RPH3A: variants seen among roughly 807,000 people sequenced by gnomAD.
The protein encoded by RPH3A is rabphilin 3A, also known as rabphilin-3A.
Under a neutral mutation model 102.2 loss-of-function variants are expected in RPH3A, and 48 were observed. That is an observed-to-expected ratio of 0.47 (90% confidence interval 0.37 to 0.60). The LOEUF (loss-of-function observed/expected upper bound fraction) is 0.60. Among genes scored for constraint, RPH3A ranks in the 20% least tolerant of loss-of-function variants. The pLI, the probability that RPH3A is intolerant of heterozygous loss-of-function variation, is 0.00. For synonymous variants in RPH3A, 310 were observed against 324.3 expected, an observed-to-expected ratio of 0.96 and a Z score of 0.47; for missense variants, 781 against 910.1, an observed-to-expected ratio of 0.86 and a Z score of 1.83.
chr12:112,585,661 G>A (rs1380339465), intron 1 of RPH3A, among the ~76,000 whole-genome samples: 1 of 152,128 alleles, frequency 6.6e-6, no homozygotes, highest in Non-Finnish European at 1.5e-5. Flanking sequence ...CTTGGACTCG[G>A]GAGGCAGAGT....
chr12:112,577,026 CT>C (rs909298468), intron 1 of RPH3A, among the ~76,000 whole-genome samples: 59 of 151,602 alleles, frequency 3.9e-4, no homozygotes, highest in African/African-American at 1.3e-3. Context: ...CTGCCTCAGC[CT>C]CCTGGGAAGC....
chr12:112,712,208 C>T (rs2136035708), intron 1 of RPH3A, among the ~76,000 whole-genome samples: 1 of 152,294 alleles, frequency 6.6e-6, no homozygotes, highest in South Asian at 2.1e-4. Flanking sequence ...AAAGAAAACA[C>T]ACACACGCAT....
At chr12:112,870,927 T>C (rs1274385743) in intron 10 of RPH3A, among the ~76,000 whole-genome samples, 1 of 152,212 alleles carries the variant, frequency 6.6e-6, no homozygotes, top group East Asian at 1.9e-4. Flanking sequence ...CGTCTCAAGT[T>C]CTTTTACATA....
intron 1 of RPH3A, among the ~76,000 whole-genome samples, chr12:112,754,655 A>T (rs1397728388): frequency 6.6e-6 from 1 of 152,220 alleles, no homozygotes; most frequent in Non-Finnish European, 1.5e-5. Flanking sequence ...ACTTTTCAAT[A>T]ACAAAGAGAG....
At chr12:112,582,741 T>C (rs2039409329) in intron 1 of RPH3A, among the ~76,000 whole-genome samples, 1 of 151,616 alleles carries the variant, frequency 6.6e-6, no homozygotes, top group Non-Finnish European at 1.5e-5. Flanking sequence ...GGATTACAGG[T>C]GTCAGCCTGG....
chr12:112,892,068 G>A (rs746203259), intron 19 of RPH3A, among the ~76,000 whole-genome samples: 19 of 152,288 alleles, frequency 1.2e-4, no homozygotes, highest in Non-Finnish European at 2.5e-4. Context: ...AAACAGAATC[G>A]AGCCTGGTAC....
At chr12:112,886,374 TGAAAC>T (rs2043002305) in intron 16 of RPH3A, among the ~76,000 whole-genome samples, 1 of 152,006 alleles carries the variant, frequency 6.6e-6, no homozygotes, top group Non-Finnish European at 1.5e-5. Flanking sequence ...GGTTACAGGA[TGAAAC>T]TGTTCCACCT....
intron 1 of RPH3A, among the ~76,000 whole-genome samples, chr12:112,612,255 T>C (rs980899947): frequency 6.6e-6 from 1 of 152,246 alleles, no homozygotes; most frequent in Non-Finnish European, 1.5e-5. Context: ...AATGAGTCCA[T>C]GTGCTTCTTG....
chr12:112,760,181 A>C (rs1565872454), intron 1 of RPH3A, among the ~76,000 whole-genome samples: 1 of 152,102 alleles, frequency 6.6e-6, no homozygotes, highest in Non-Finnish European at 1.5e-5. Context: ...ACTGACCACC[A>C]TTTTTTGTTG....
At chr12:112,738,311 G>A (rs1254776060) in intron 1 of RPH3A, among the ~76,000 whole-genome samples, 1 of 151,910 alleles carries the variant, frequency 6.6e-6, no homozygotes, top group Non-Finnish European at 1.5e-5. Flanking sequence ...TCCCACCTCA[G>A]CCTCCCGAGT....
intron 10 of RPH3A, among the ~76,000 whole-genome samples, chr12:112,874,531 A>T (rs868217167): frequency 3.9e-5 from 6 of 152,220 alleles, no homozygotes; most frequent in African/African-American, 1.2e-4. Context: ...TGTTGCCTCC[A>T]TGGGGCATCT....
At chr12:112,650,730 A>C (rs976521648) in intron 1 of RPH3A, 22 of 150,140 alleles carry the variant, frequency 1.5e-4, no homozygotes, top group African/African-American at 5.2e-4. Context: ...ACTTGTTTAC[A>C]CATTTTTTTT....
rs1450478578 is a variant in RPH3A at position 112,897,171 on chromosome 12, CA to C, written c.*392del. 73 of 185,688 alleles carry C rather than the reference CA, an allele frequency of 3.9e-4. No homozygotes were observed. Among genetic ancestry groups the C allele is most frequent in the African/African-American group, 1.5e-3 (64 of 43,450 alleles). The allele number at this position is 185,688 out of a possible 1,614,324, so 11.5% of individuals were successfully genotyped here. Reference sequence around the variant, plus strand: ...ACACACACACACACACACACACACACACACCCTTTCATTCCCTGTGTTGTGT... The same window carrying C: ...ACACACACACACACACACACACACACCACCCTTTCATTCCCTGTGTTGTGT... On this transcript the variant is annotated 3_prime_UTR_variant, in exon 22 of 22. Coordinates refer to ENST00000389385, the MANE Select transcript of RPH3A (RefSeq NM_001143854.2).
chr12:112,685,729 C>A (rs932914796), intron 1 of RPH3A, among the ~76,000 whole-genome samples: 4 of 152,132 alleles, frequency 2.6e-5, no homozygotes, highest in African/African-American at 9.7e-5. Flanking sequence ...TGCCAGCAGC[C>A]ACAGTGGCTT....
At chr12:112,663,089 A>T (rs1184111106) in intron 1 of RPH3A, among the ~76,000 whole-genome samples, 1 of 71,646 alleles carries the variant, frequency 1.4e-5, no homozygotes, top group Non-Finnish European at 2.6e-5. Flanking sequence ...TGTGTGTGTG[A>T]AAGAGAGAGA....
At chr12:112,852,362 G>T (rs1343226568) in intron 5 of RPH3A, among the ~76,000 whole-genome samples, 3 of 152,250 alleles carry the variant, frequency 2.0e-5, no homozygotes, top group East Asian at 3.9e-4. Context: ...GTGATAAATG[G>T]CATGTGCATG....
chr12:112,730,708 A>G (rs999769405), intron 1 of RPH3A, among the ~76,000 whole-genome samples: 1 of 152,086 alleles, frequency 6.6e-6, no homozygotes, highest in Non-Finnish European at 1.5e-5. Flanking sequence ...TAACTTTCTC[A>G]TCTACAACCC....
At chr12:112,841,937 A>G (rs571773696) in intron 4 of RPH3A, 10 of 455,918 alleles carry the variant, frequency 2.2e-5, no homozygotes, top group African/African-American at 2.0e-4. Context: ...TCTCTCCTGA[A>G]TAGCTAAATC....
chr12:112,803,331 GAGGGAGAGGATGAATTATC>G (rs2041391731), intron 2 of RPH3A, among the ~76,000 whole-genome samples: 1 of 151,970 alleles, frequency 6.6e-6, no homozygotes, highest in East Asian at 1.9e-4. Context: ...CAGATGGAGA[GAGGGAGAGGATGAATTATC>G]AGGGAGAGGA....
Sources: allele counts gnomAD v4.1 joint callset (sites outside exome capture counted in the v4.1 genomes callset), GRCh38; gene constraint gnomAD v4.1.1; transcripts MANE v1.5; gene names NCBI Gene and HGNC (gene_info 2026-07-23, HGNC 2026-07-21).